The following MARCHF1 variants were observed in gnomAD, a reference collection of about 807,000 sequenced individuals.
The protein encoded by MARCHF1 is E3 ubiquitin-protein ligase MARCHF1.
Under a neutral mutation model 54.2 loss-of-function variants are expected in MARCHF1, and 40 were observed. The observed-to-expected ratio is 0.74, with a 90% CI of 0.57 to 0.96. MARCHF1 has a LOEUF of 0.96. MARCHF1 is among the 40% of genes least tolerant of loss of function. The probability of loss-of-function intolerance (pLI) is 0.00; values close to 1 mark genes in which losing one functional copy is unlikely to be tolerated. For synonymous variants in MARCHF1, 236 were observed against 236.3 expected, an observed-to-expected ratio of 1.00 and a Z score of 0.01; for missense variants, 586 against 656.5, an observed-to-expected ratio of 0.89 and a Z score of 1.17.
At chr4:163,929,854 G>A (rs933387393) in intron 3 of MARCHF1, among the ~76,000 whole-genome samples, 6 of 145,706 alleles carry the variant, frequency 4.1e-5, no homozygotes, top group African/African-American at 1.5e-4. Flanking sequence ...ATAATATATT[G>A]TTTAACTAAG....
intron 3 of MARCHF1, among the ~76,000 whole-genome samples, chr4:163,944,974 T>C (rs182285852): frequency 3.3e-5 from 5 of 152,298 alleles, no homozygotes; most frequent in Admixed American, 3.3e-4. Context: ...TGCTGGTTCA[T>C]CCTTCAATCT....
intron 1 of MARCHF1, among the ~76,000 whole-genome samples, chr4:164,246,096 A>T (rs1440422879): frequency 1.8e-5 from 1 of 56,828 alleles, no homozygotes; most frequent in Non-Finnish European, 4.0e-5. Context: ...ATTGGAAAAA[A>T]CTACTTTAAA....
chr4:163,882,950 C>T (rs1455395420), intron 3 of MARCHF1, among the ~76,000 whole-genome samples: 4 of 152,248 alleles, frequency 2.6e-5, no homozygotes. Context: ...GCACTCCAAC[C>T]TGGGCAACAG....
At chr4:163,747,886 C>G (rs185000785) in intron 4 of MARCHF1, among the ~76,000 whole-genome samples, 28 of 152,216 alleles carry the variant, frequency 1.8e-4, no homozygotes, top group African/African-American at 6.5e-4. Context: ...CACAGGTATG[C>G]GGTATAAGAG....
chr4:163,866,013 T>G (rs1433066388), intron 3 of MARCHF1, among the ~76,000 whole-genome samples: 2 of 151,702 alleles, frequency 1.3e-5, no homozygotes, highest in Admixed American at 1.3e-4. Context: ...CAAAGAGATA[T>G]TTTTATCTTT....
intron 8 of MARCHF1, among the ~76,000 whole-genome samples, chr4:163,546,654 C>A (rs1738918162): frequency 6.6e-6 from 1 of 152,304 alleles, no homozygotes; most frequent in African/African-American, 2.4e-5. Context: ...ACTAGAAAAT[C>A]TGCTGAAGCC....
At chr4:163,749,074 T>C (rs73868692) in intron 4 of MARCHF1, among the ~76,000 whole-genome samples, 2,320 of 152,270 alleles carry the variant, frequency 0.015, 58 homozygotes, top group African/African-American at 0.053. Flanking sequence ...TTTAAATCTT[T>C]TTTTCCCTGT....
At chr4:164,237,835 A>G (rs748340412) in intron 1 of MARCHF1, among the ~76,000 whole-genome samples, 3 of 152,044 alleles carry the variant, frequency 2.0e-5, no homozygotes, top group African/African-American at 4.8e-5. Flanking sequence ...GGAAATTAAG[A>G]ATATGCATTC....
rs150511244 is a variant in MARCHF1, at chr4:163,914,853, G to A, written c.-38-60684C>T. Reference sequence around the variant, plus strand: ...TTTCTGGAGATTGAATGTACACTAGGTATTATTAGAGTACATACCTTTACC... The same window carrying A: ...TTTCTGGAGATTGAATGTACACTAGATATTATTAGAGTACATACCTTTACC... On this transcript the variant is annotated intron_variant, in intron 3 of 9. Coordinates refer to ENST00000514618, the MANE Select transcript of MARCHF1 (RefSeq NM_001394959.1). Among the ~76,000 whole-genome samples the A allele has an allele frequency of 3.9e-5, 6 of 152,178 alleles. No individual in the cohort carries two copies. The East Asian group carries it at 1.2e-3, about 29-fold the overall frequency.
intron 2 of MARCHF1, among the ~76,000 whole-genome samples, chr4:164,061,008 C>T (rs900504888): frequency 6.6e-6 from 1 of 152,078 alleles, no homozygotes; most frequent in Non-Finnish European, 1.5e-5. Flanking sequence ...ATGGTTGTGC[C>T]ATCACTTAGA....
intron 4 of MARCHF1, among the ~76,000 whole-genome samples, chr4:163,833,312 A>G (rs1196092891): frequency 2.6e-5 from 4 of 152,128 alleles, no homozygotes; most frequent in Admixed American, 1.3e-4. Context: ...CATGGGCAAG[A>G]ACTTCATGTC....
intron 3 of MARCHF1, among the ~76,000 whole-genome samples, chr4:163,941,594 AAC>A (rs1751913905): frequency 6.6e-6 from 1 of 152,126 alleles, no homozygotes; most frequent in Non-Finnish European, 1.5e-5. Context: ...ATACATAACA[AAC>A]AACAAAATAC....
intron 2 of MARCHF1, among the ~76,000 whole-genome samples, chr4:164,070,713 CAATT>C (rs768149881): frequency 1.4e-4 from 21 of 152,238 alleles, no homozygotes; most frequent in African/African-American, 3.9e-4. Context: ...TATTAATAAA[CAATT>C]AAATGTCTGC....
At chr4:164,182,467 C>A (rs1427497732) in intron 1 of MARCHF1, among the ~76,000 whole-genome samples, 1 of 151,904 alleles carries the variant, frequency 6.6e-6, no homozygotes, top group African/African-American at 2.4e-5. Context: ...AAGCAACTTG[C>A]AAAGAAATAT....
intron 3 of MARCHF1, among the ~76,000 whole-genome samples, chr4:163,936,015 G>C (rs1306857003): frequency 6.6e-6 from 1 of 152,058 alleles, no homozygotes; most frequent in Non-Finnish European, 1.5e-5. Flanking sequence ...TGAACACTTA[G>C]TGGCTATCGT....
intron 4 of MARCHF1, among the ~76,000 whole-genome samples, chr4:163,726,805 T>C (rs957913336): frequency 3.9e-5 from 6 of 152,226 alleles, no homozygotes; most frequent in African/African-American, 1.2e-4. Context: ...AACAGATGTA[T>C]AGTGATATTG....
At chr4:163,994,257 A>AGTGTGTGTGTGTGTGTGTGTGTGTGT (rs769035806) in intron 2 of MARCHF1, among the ~76,000 whole-genome samples, 1 of 137,130 alleles carries the variant, frequency 7.3e-6, no homozygotes, top group African/African-American at 2.7e-5. Context: ...ATAGAGAAAA[A>AGTGTGTGTGTGTGTGTGTGTGTGTGT]GTGTGTGTGT....
At chr4:164,203,227 TATA>T (rs1167618108) in intron 1 of MARCHF1, among the ~76,000 whole-genome samples, 2 of 151,960 alleles carry the variant, frequency 1.3e-5, no homozygotes, top group Non-Finnish European at 2.9e-5. Context: ...AGGAAGGATG[TATA>T]ATAATGAAGC....
rs568496912 is a variant in MARCHF1, at chr4:163,926,532, T to C, written c.-39+61969A>G. Among the ~76,000 whole-genome samples the C allele has an allele frequency of 1.1e-4, 17 of 151,748 alleles. No individual in the cohort carries two copies. The East Asian group carries it at 1.9e-3, about 17-fold the overall frequency. ...TGGAATTTCTGGCAAAAGGCATTGATTCAGATTTAGTAATTATGTCTAATC... is the reference window on the plus strand; with the variant it reads ...TGGAATTTCTGGCAAAAGGCATTGACTCAGATTTAGTAATTATGTCTAATC... On this transcript the variant is annotated intron_variant, in intron 3 of 9. Transcript: ENST00000514618.
Sources: gnomAD v4.1 joint callset for allele counts (sites outside exome capture counted in the v4.1 genomes callset) on GRCh38, gnomAD v4.1.1 for gene constraint, MANE v1.5 for transcripts, NCBI Gene and HGNC (gene_info 2026-07-23, HGNC 2026-07-21) for gene names.